Variants in DYNC2H1 observed in about 807,000 individuals in gnomAD.
DYNC2H1 encodes cytoplasmic dynein 2 heavy chain 1.
A neutral mutation model predicts 570.0 loss-of-function variants in DYNC2H1; 410 were observed. The observed-to-expected ratio is 0.72, with a 90% CI of 0.66 to 0.78. The LOEUF is 0.78. Ranked by LOEUF, DYNC2H1 falls within the 30% of genes least tolerant of loss-of-function variation. The pLI is 0.00. For missense variants in DYNC2H1, 4,865 were observed against 5,046.4 expected, an observed-to-expected ratio of 0.96 and a Z score of 1.09; for synonymous variants, 1,688 against 1,677.6, an observed-to-expected ratio of 1.01 and a Z score of -0.15.
intron 80 of DYNC2H1, among the ~76,000 whole-genome samples, chr11:103,318,717 CTGTT>C (rs1937999259): frequency 1.3e-5 from 2 of 148,808 alleles, no homozygotes; most frequent in African/African-American, 2.5e-5. Context: ...AGAGAATTTT[CTGTT>C]TGTTTAAAAG....
Position 103,170,273 on chromosome 11 carries a change from G to C in DYNC2H1, c.5134G>C (p.Val1712Leu), listed in dbSNP as rs1861515366. Residue 1712 changes from valine (V) to leucine (L), a missense_variant, in exon 33 of 89, where the codon GTC (valine) becomes CTC (leucine). Physicochemically the swap from Val to Leu is conservative, Grantham distance 32 (BLOSUM62 1). Around this residue, in one of 5 missense-constraint regions of DYNC2H1, gnomAD observed 292 missense variants for 300.2 expected, o/e 0.97. Coordinates refer to ENST00000375735, the MANE Select transcript of DYNC2H1 (RefSeq NM_001377.3). This position sits in a 1 kb window ranked among gnomAD's most constrained non-coding sequence, Gnocchi z 4.8. Reference sequence around the variant, plus strand: ...TGGACTTCTTGGAAGACAAGTTTTAGTCTTTAATTGTGATGAGGTAGAATA... The same window carrying C: ...TGGACTTCTTGGAAGACAAGTTTTACTCTTTAATTGTGATGAGGTAGAATA... ...LGGLLGRQVL[V>L]FNCDEGIDVK... 2 of 1,591,818 alleles carry C rather than the reference G, an allele frequency of 1.3e-6. No homozygotes were observed. Among genetic ancestry groups the C allele is most frequent in the African/African-American group, 2.7e-5 (2 of 73,994 alleles).
intron 85 of DYNC2H1, among the ~76,000 whole-genome samples, chr11:103,438,154 T>G (rs1401577537): frequency 6.6e-6 from 1 of 152,126 alleles, no homozygotes; most frequent in Admixed American, 6.6e-5. Context: ...TATGCACTAT[T>G]TCTTCCACAA....
rs1349453167 is a variant in DYNC2H1, at chr11:103,287,594, G to A, written c.11084G>A (p.Cys3695Tyr). 2 of 1,611,566 alleles carry A rather than the reference G, an allele frequency of 1.2e-6. No individual in the cohort carries two copies. The highest frequency in any genetic ancestry group is 2.2e-5 in the East Asian group (1 of 44,792). Residue 3695 changes from cysteine to tyrosine, a missense_variant, in exon 75 of 89, where the codon TGT (cysteine) becomes TAT (tyrosine). Around this residue, in one of 5 missense-constraint regions of DYNC2H1, gnomAD observed 2,401 missense variants for 2,454.6 expected, o/e 0.98. Transcript: ENST00000375735. Reference sequence around the variant, plus strand: ...CAAAGTGCCATGGCTCTTTTTGCATGTAAAACTCTGGGTAAGTGTGATGCT... The same window carrying A: ...CAAAGTGCCATGGCTCTTTTTGCATATAAAACTCTGGGTAAGTGTGATGCT... Reference protein sequence around the residue: ...RLQSAMALFACKTLGLKEVSP... With the variant: ...RLQSAMALFAYKTLGLKEVSP...
chr11:103,165,062 A>C (rs626330), intron 30 of DYNC2H1, among the ~76,000 whole-genome samples: 136,060 of 152,194 alleles, frequency 0.89, 61,036 homozygotes, highest in Non-Finnish European at 0.92. Context: ...TGGGCGATGA[A>C]TTTGCTTAGA....
chr11:103,374,279 C>T (rs2671376), intron 83 of DYNC2H1, among the ~76,000 whole-genome samples: 73,456 of 151,670 alleles, frequency 0.48, 18,053 homozygotes, highest in Non-Finnish European at 0.54. Flanking sequence ...CTCATGATAG[C>T]GAGTGAGTTC....
rs1478054534 is a variant in DYNC2H1, at chr11:103,209,848, T to G, written c.8455-28T>G. On this transcript the variant is annotated intron_variant, in intron 52 of 88. Transcript: ENST00000375735. This position sits in a 1 kb window ranked among gnomAD's most constrained non-coding sequence, Gnocchi z 4.2. ...CTTATGATATGGGACTTATACTCTT[T>G]CATAGTGATATTCTTTTTATGTTTT... The G allele has an allele frequency of 1.4e-6, 2 of 1,442,476 alleles. No homozygotes were observed. The highest frequency in any genetic ancestry group is 3.0e-5 in the African/African-American group (2 of 67,642). The allele number at this position is 1,442,476 out of a possible 1,614,324, so 89.4% of individuals were successfully genotyped here.
At position 103,176,248 on chromosome 11, in the gene DYNC2H1, TATTGTGGTAC is replaced by T; in HGVS notation, c.5690_5699del (p.Ile1897LysfsTer3). 1 of 1,498,026 alleles carries T rather than the reference TATTGTGGTAC, an allele frequency of 6.7e-7. No individual in the cohort carries two copies. The highest frequency in any genetic ancestry group is 1.4e-5 in the South Asian group (1 of 70,484). 92.8% of individuals were successfully genotyped at this position (1,498,026 alleles called of 1,614,324 possible). ...ACTTTTTTCTAGCTAATGAAAGTCA[TATTGTGGTAC>T]AAGCACTGAGGCTTAATACCATGTC... On this transcript the variant is annotated frameshift_variant, in exon 37 of 89. Coordinates refer to ENST00000375735, the MANE Select transcript of DYNC2H1 (RefSeq NM_001377.3). LOFTEE classifies it high-confidence loss of function.
chr11:103,274,629 A>T (rs557946445), intron 70 of DYNC2H1, among the ~76,000 whole-genome samples: 29 of 152,300 alleles, frequency 1.9e-4, no homozygotes, highest in South Asian at 1.5e-3. Flanking sequence ...ACCTAAGAAT[A>T]CTACGCTACA....
At chr11:103,136,527 C>T (rs1859563689) in intron 17 of DYNC2H1, among the ~76,000 whole-genome samples, 2 of 152,096 alleles carry the variant, frequency 1.3e-5, no homozygotes, top group Non-Finnish European at 2.9e-5. Flanking sequence ...TTTCCAATTT[C>T]ATCCATGTCC....
At chr11:103,190,348 C>T (rs1340200858) in intron 45 of DYNC2H1, among the ~76,000 whole-genome samples, 2 of 152,124 alleles carry the variant, frequency 1.3e-5, no homozygotes, top group South Asian at 2.1e-4. Flanking sequence ...TTTATTTTCA[C>T]TGAATGTTCG....
chr11:103,276,809 T>C (rs1180286614), intron 70 of DYNC2H1, among the ~76,000 whole-genome samples: 1 of 152,106 alleles, frequency 6.6e-6, no homozygotes, highest in African/African-American at 2.4e-5. Context: ...TCAATGACTG[T>C]CCTTATTTCT....
At position 103,209,895 on chromosome 11, in the gene DYNC2H1, G is replaced by T; in HGVS notation, c.8474G>T (p.Ser2825Ile). 1 of 1,494,162 alleles carries T rather than the reference G, an allele frequency of 6.7e-7. No homozygotes were observed. The highest frequency in any genetic ancestry group is 1.4e-5 in the African/African-American group (1 of 70,244). The allele number at this position is 1,494,162 out of a possible 1,614,324, so 92.6% of individuals were successfully genotyped here. A position where few individuals can be genotyped will look rare whatever the true frequency, so the allele number is the denominator to read the frequency against. The stretch of plus-strand genomic sequence containing the variant: ...TTTTAGATACCTGAAATGTTATTCA[G>T]TGAAACAGGTGGTGGAGAAAAATAC... The part of the protein sequence containing the change: ...SMKKIPEMLF[S>I]ETGGGEKYND... Residue 2825 changes from serine (S) to isoleucine (I), a missense_variant, in exon 53 of 89, where the codon AGT becomes ATT. By Grantham distance (142) the Ser-to-Ile change is moderately radical (BLOSUM62 -2). Around this residue, in one of 5 missense-constraint regions of DYNC2H1, gnomAD observed 2,401 missense variants for 2,454.6 expected, o/e 0.98. Transcript: ENST00000375735. The surrounding 1 kb of genome is among the most constrained non-coding windows in gnomAD (Gnocchi z 4.2).
chr11:103,410,484 G>A (rs566473036), intron 84 of DYNC2H1, among the ~76,000 whole-genome samples: 4 of 152,200 alleles, frequency 2.6e-5, no homozygotes, highest in African/African-American at 4.8e-5. Context: ...GAGGTAGATC[G>A]GGGTTTATAG....
At chr11:103,116,847 A>G (rs1010134496) in intron 5 of DYNC2H1, 133 bp downstream of exon 5, 3 of 711,268 alleles carry the variant, frequency 4.2e-6, no homozygotes, top group Non-Finnish European at 6.2e-6. Context: ...ATGTAGCATT[A>G]TTTAAATAGA....
intron 52 of DYNC2H1, among the ~76,000 whole-genome samples, chr11:103,208,255 G>T (rs747199690): frequency 6.6e-5 from 10 of 152,084 alleles, no homozygotes; most frequent in Non-Finnish European, 4.4e-5. Flanking sequence ...AATTAAGAAG[G>T]TAAGACAAGG....
intron 83 of DYNC2H1, among the ~76,000 whole-genome samples, chr11:103,367,795 G>T (rs7117124): frequency 0.069 from 10,447 of 151,948 alleles, 369 homozygotes; most frequent in Non-Finnish European, 0.077. Context: ...TCTAGTAACC[G>T]CTGTTCTACT....
chr11:103,218,791 A>T (rs1863476669), intron 55 of DYNC2H1, among the ~76,000 whole-genome samples: 1 of 152,202 alleles, frequency 6.6e-6, no homozygotes, highest in South Asian at 2.1e-4. Flanking sequence ...TATCCAGCAA[A>T]GACCCAGGAG....
intron 46 of DYNC2H1, 37 bp downstream of exon 46, chr11:103,191,656 G>A: frequency 1.5e-6 from 2 of 1,362,448 alleles, no homozygotes; most frequent in Non-Finnish European, 2.0e-6. Context: ...GTGTGTGTGT[G>A]TGTGTGCACA....
intron 87 of DYNC2H1, chr11:103,468,353 T>C (rs1284551169): frequency 3.0e-6 from 1 of 332,484 alleles, no homozygotes; most frequent in Non-Finnish European, 5.5e-6. Context: ...AGATGAGATT[T>C]ATATGTAATT....
Sources: gnomAD v4.1 joint callset for allele counts (sites outside exome capture counted in the v4.1 genomes callset) on GRCh38, gnomAD v4.1.1 for gene constraint, gnomAD v4.1.1 regional missense constraint, Gnocchi (gnomAD v3.1) non-coding constraint, MANE v1.5 for transcripts, NCBI Gene and HGNC (gene_info 2026-07-23, HGNC 2026-07-21) for gene names.